Variants in ELFN1 observed in about 807,000 individuals in gnomAD.
ELFN1 encodes the protein protein ELFN1.
In ELFN1, 6 loss-of-function variants were observed where a neutral mutation model predicts 7.6. The ratio of observed to expected loss-of-function variants is 0.79; its 90% confidence interval spans 0.43 to 1.56. ELFN1 has a LOEUF of 1.56. ELFN1 is among the 40% of genes most tolerant of loss of function. The pLI is 0.01. For synonymous variants in ELFN1, 657 were observed against 588.1 expected (o/e 1.12, Z -1.70); for missense variants, 1,169 against 1,232.2 (o/e 0.95, Z 0.77).
chr7:1,746,708 G>A lies in ELFN1; in HGVS notation c.2112G>A (p.Arg704=), dbSNP rs1780808485. 1 of 1,470,254 alleles carries A rather than the reference G, an allele frequency of 6.8e-7. No individual in the cohort carries two copies. The highest frequency in any genetic ancestry group is 8.9e-7 in the Non-Finnish European group (1 of 1,117,360). 91.1% of individuals were successfully genotyped at this position (1,470,254 alleles called of 1,614,324 possible). Residue 704 remains arginine, a synonymous_variant, in exon 4 of 4, where the codon CGG becomes CGA. Transcript: ENST00000424383. ...AGGGTCGCCAGTACGGCGAGCACCG[G>A]CACTCGTACCCCGGCTCCCACCCGG... is the stretch of plus-strand genomic sequence containing the variant. ...AEKGRQYGEH[R]HSYPGSHPAE...
intron 2 of ELFN1, among the ~76,000 whole-genome samples, chr7:1,707,974 C>T (rs1388421866): frequency 1.4e-4 from 22 of 152,184 alleles, no homozygotes. Flanking sequence ...GCTCCCTCAG[C>T]CTCCAGGGGC....
At chr7:1,733,927 C>G (rs963617881) in intron 3 of ELFN1, among the ~76,000 whole-genome samples, 1 of 152,108 alleles carries the variant, frequency 6.6e-6, no homozygotes, top group Non-Finnish European at 1.5e-5. Context: ...TGTTCTACCA[C>G]TAGGCTGTGA....
intron 1 of ELFN1, among the ~76,000 whole-genome samples, chr7:1,674,858 G>A (rs1306752902): frequency 2.6e-5 from 4 of 152,110 alleles, no homozygotes; most frequent in Non-Finnish European, 2.9e-5. Flanking sequence ...AACATCCTTC[G>A]GCCCGGGCCA....
At chr7:1,710,804 C>G (rs998891784) in intron 3 of ELFN1, among the ~76,000 whole-genome samples, 5 of 152,244 alleles carry the variant, frequency 3.3e-5, no homozygotes, top group African/African-American at 1.2e-4. Flanking sequence ...TAGCTCTGTC[C>G]TGCTCTGCTG....
At chr7:1,710,184 G>C (rs922826911) in intron 3 of ELFN1, among the ~76,000 whole-genome samples, 2 of 152,210 alleles carry the variant, frequency 1.3e-5, no homozygotes, top group Non-Finnish European at 2.9e-5. Flanking sequence ...TTTATTTAAA[G>C]TGGTTGTATT....
intron 3 of ELFN1, among the ~76,000 whole-genome samples, chr7:1,728,878 C>T (rs1342761429): frequency 1.3e-5 from 2 of 152,174 alleles, no homozygotes; most frequent in Non-Finnish European, 2.9e-5. Context: ...AACACCATCG[C>T]ATCTCACTGT....
chr7:1,699,999 C>T (rs1779392787), intron 2 of ELFN1, among the ~76,000 whole-genome samples: 3 of 152,212 alleles, frequency 2.0e-5, no homozygotes, highest in Admixed American at 1.3e-4. Flanking sequence ...CGTGCCCGGC[C>T]TCATCATTGT....
chr7:1,734,493 A>G (rs958243574), intron 3 of ELFN1, among the ~76,000 whole-genome samples: 2 of 152,166 alleles, frequency 1.3e-5, no homozygotes, highest in African/African-American at 4.8e-5. Flanking sequence ...AGCCTGGTGT[A>G]TCCCAGGAGG....
intron 3 of ELFN1, among the ~76,000 whole-genome samples, chr7:1,714,308 G>A (rs116318051): frequency 0.1 from 15,964 of 152,100 alleles, 870 homozygotes; most frequent in South Asian, 0.14. Context: ...AGCCCTGCCC[G>A]CTCCCCCTGC....
intron 3 of ELFN1, among the ~76,000 whole-genome samples, chr7:1,720,482 G>C (rs1779984925): frequency 6.6e-6 from 1 of 152,260 alleles, no homozygotes; most frequent in South Asian, 2.1e-4. Flanking sequence ...CCGAGGCCAT[G>C]AGCCAGGGAA....
chr7:1,737,935 C>A (rs1780495619), intron 3 of ELFN1, among the ~76,000 whole-genome samples: 1 of 152,222 alleles, frequency 6.6e-6, no homozygotes, highest in African/African-American at 2.4e-5. Context: ...GCCGGCCACC[C>A]CTTCCAGCTC....
At chr7:1,697,320 G>A (rs936410351) in intron 2 of ELFN1, among the ~76,000 whole-genome samples, 5 of 152,340 alleles carry the variant, frequency 3.3e-5, no homozygotes, top group Middle Eastern at 3.4e-3. Context: ...GGGACTCAGA[G>A]AGGAACAGTC....
intron 3 of ELFN1, among the ~76,000 whole-genome samples, chr7:1,741,585 G>A (rs1208868286): frequency 6.6e-6 from 1 of 152,224 alleles, no homozygotes; most frequent in East Asian, 1.9e-4. Context: ...GTGGGGCATG[G>A]TGGTACGGAA....
At chr7:1,704,473 G>A (rs897246809) in intron 2 of ELFN1, among the ~76,000 whole-genome samples, 7 of 152,068 alleles carry the variant, frequency 4.6e-5, no homozygotes, top group Non-Finnish European at 7.4e-5. Flanking sequence ...ATGTGCACAC[G>A]TGCTCACACA....
At chr7:1,704,571 A>G (rs978813173) in intron 2 of ELFN1, among the ~76,000 whole-genome samples, 1 of 151,908 alleles carries the variant, frequency 6.6e-6, no homozygotes, top group Non-Finnish European at 1.5e-5. Context: ...AGGAGGCTCC[A>G]CCTACAGCAG....
At chr7:1,738,794 G>C (rs1780524404) in intron 3 of ELFN1, 1 of 151,930 alleles carries the variant, frequency 6.6e-6, no homozygotes, top group Admixed American at 6.6e-5. Flanking sequence ...GCAGTGACCA[G>C]GACACACAGC....
chr7:1,718,077 A>G (rs191561998), intron 3 of ELFN1, among the ~76,000 whole-genome samples: 109 of 152,268 alleles, frequency 7.2e-4, no homozygotes, highest in Non-Finnish European at 1.3e-3. Context: ...TGCAGTTTCC[A>G]TGTCTGGAAC....
intron 3 of ELFN1, among the ~76,000 whole-genome samples, chr7:1,725,579 G>C (rs1276483777): frequency 1.3e-5 from 2 of 152,228 alleles, no homozygotes; most frequent in African/African-American, 2.4e-5. Context: ...TCACACCCCA[G>C]TTGGGTGGTT....
chr7:1,724,769 G>C (rs933387990), intron 3 of ELFN1, among the ~76,000 whole-genome samples: 3 of 152,144 alleles, frequency 2.0e-5, no homozygotes, highest in Non-Finnish European at 2.9e-5. Flanking sequence ...CCGTGGATTC[G>C]CAGGTTCACG....
Sources: gnomAD v4.1 joint callset for allele counts (sites outside exome capture counted in the v4.1 genomes callset) on GRCh38, gnomAD v4.1.1 for gene constraint, MANE v1.5 for transcripts, NCBI Gene and HGNC (gene_info 2026-07-23, HGNC 2026-07-21) for gene names.